The following GVQW3 variants were observed in gnomAD, a reference collection of about 807,000 sequenced individuals.
GVQW3 encodes the protein protein GVQW3.
In GVQW3, 7 loss-of-function variants were observed where a neutral mutation model predicts 12.5. That is an observed-to-expected ratio of 0.56 (90% confidence interval 0.32 to 1.05). The LOEUF (loss-of-function observed/expected upper bound fraction) is 1.05. Among genes scored for constraint, GVQW3 ranks in the 50% least tolerant of loss-of-function variants. The probability of loss-of-function intolerance (pLI) is 0.04; values close to 1 mark genes in which losing one functional copy is unlikely to be tolerated. For missense variants in GVQW3, 188 were observed against 190.8 expected (o/e 0.99, Z 0.09); for synonymous variants, 71 against 67.2 (o/e 1.06, Z -0.28).
intron 1 of GVQW3, among the ~76,000 whole-genome samples, chr11:76,388,777 A>G (rs1322347251): frequency 1.3e-5 from 2 of 152,150 alleles, no homozygotes; most frequent in Non-Finnish European, 2.9e-5. Flanking sequence ...CTGTTGCCAC[A>G]TGCCTTTGTG....
At chr11:76,402,488 G>A (rs1347710420) in intron 1 of GVQW3, among the ~76,000 whole-genome samples, 2 of 151,570 alleles carry the variant, frequency 1.3e-5, no homozygotes, top group Non-Finnish European at 2.9e-5. Flanking sequence ...AGGAGGCAGA[G>A]GTTGCAGTGA....
chr11:76,385,634 A>G (rs902215150), intron 1 of GVQW3, among the ~76,000 whole-genome samples: 1 of 152,060 alleles, frequency 6.6e-6, no homozygotes, highest in African/African-American at 2.4e-5. Flanking sequence ...CACTTAACTT[A>G]CAACTCTTCT....
At chr11:76,399,525 T>A (rs61892858) in intron 1 of GVQW3, among the ~76,000 whole-genome samples, 4,061 of 152,326 alleles carry the variant, frequency 0.027, 84 homozygotes, top group East Asian at 0.079. Flanking sequence ...TGTCAATTTG[T>A]CTGGACCACG....
At chr11:76,388,825 A>T (rs2851148) in intron 1 of GVQW3, among the ~76,000 whole-genome samples, 144,784 of 152,188 alleles carry the variant, frequency 0.95, 68,950 homozygotes, top group African/African-American at 0.98. Context: ...ATTAATAATT[A>T]GAGGACTGCG....
chr11:76,384,380 T>C (rs1309966926), intron 1 of GVQW3, among the ~76,000 whole-genome samples: 1 of 152,252 alleles, frequency 6.6e-6, no homozygotes, highest in Non-Finnish European at 1.5e-5. Context: ...TGGAGTGCAG[T>C]GGCACGATCT....
chr11:76,410,946 A>G (rs757825289), downstream of GVQW3: 7 of 152,240 alleles, frequency 4.6e-5, no homozygotes, highest in Non-Finnish European at 1.0e-4. Context: ...GAATGAAAGC[A>G]TAACATCCTG....
At position 76,404,033 on chromosome 11, in the gene GVQW3, C is replaced by G; in HGVS notation, c.*275C>G. Reference sequence around the variant, plus strand: ...TCCGGAAACATCCCCACAGACACACCCAGAAATAATGTTTTCCCATCTATC... The same window carrying G: ...TCCGGAAACATCCCCACAGACACACGCAGAAATAATGTTTTCCCATCTATC... On this transcript the variant is annotated 3_prime_UTR_variant, in exon 2 of 2. Coordinates refer to ENST00000529331, the MANE Select transcript of GVQW3 (RefSeq NM_001347885.2). 1 of 587,918 alleles carries G rather than the reference C, an allele frequency of 1.7e-6. No individual in the cohort carries two copies. The highest frequency in any genetic ancestry group is 1.9e-5 in the African/African-American group (1 of 53,930). 36.4% of individuals were successfully genotyped at this position (587,918 alleles called of 1,614,324 possible). A position where few individuals can be genotyped will look rare whatever the true frequency, so the allele number is the denominator to read the frequency against.
At chr11:76,382,689 C>T (rs1314886079) in intron 1 of GVQW3, 2 of 476,878 alleles carry the variant, frequency 4.2e-6, no homozygotes, top group Non-Finnish European at 7.4e-6. Context: ...TTCTTTTGCT[C>T]AACAAGTTTG....
chr11:76,401,076 T>C (rs1024051690), intron 1 of GVQW3, among the ~76,000 whole-genome samples: 1 of 151,658 alleles, frequency 6.6e-6, no homozygotes, highest in Non-Finnish European at 1.5e-5. Context: ...TTTCACTATG[T>C]TGCCCAAGCT....
In GVQW3 at chr11:76,391,138, G is replaced by A. The variant is rs146083728; in HGVS notation, c.465+8845G>A. ...TGCTTTCTATCTCTTGCCAGTTAAG[G>A]CCTAAACCTGTTTCTGCTTAAGAAG... On this transcript the variant is annotated intron_variant, in intron 1 of 1. Transcript: ENST00000529331. Among the ~76,000 whole-genome samples the A allele has an allele frequency of 3.0e-3, 451 of 152,316 alleles. 8 individuals are homozygous for A. The highest frequency in any genetic ancestry group is 1.1e-3 in the Non-Finnish European group (77 of 68,034).
intron 1 of GVQW3, 46 bp from the exon 2 acceptor site, chr11:76,403,614 C>T (rs746007270): frequency 5.4e-5 from 24 of 446,476 alleles, no homozygotes; most frequent in Non-Finnish European, 8.7e-5. Flanking sequence ...GAACTACAAG[C>T]ATGTGCCACC....
At position 76,407,820 on chromosome 11, in the gene GVQW3, A is replaced by G. The variant is rs2134569690; in HGVS notation, c.*4062A>G. 6.6e-6 allele frequency: 1 copy of G among 152,254 alleles called. No individual in the cohort carries two copies. The highest frequency in any genetic ancestry group is 1.9e-4 in the East Asian group (1 of 5,184). The allele number at this position is 152,254 out of a possible 1,614,324, so 9.4% of individuals were successfully genotyped here. On this transcript the variant is annotated 3_prime_UTR_variant, in exon 2 of 2. Transcript: ENST00000529331. ...ACTCATTAAGTGAAATAATGCAGCT[A>G]TTTAAGATGATGTTTTTAAAGAACT...
intron 1 of GVQW3, among the ~76,000 whole-genome samples, chr11:76,403,025 G>A (rs1947006536): frequency 6.6e-6 from 1 of 152,058 alleles, no homozygotes; most frequent in South Asian, 2.1e-4. Context: ...TCGGCTCATT[G>A]CAACCTCTAC....
rs1448001168 is a variant in GVQW3 at position 76,382,204 on chromosome 11, T to A, written c.376T>A (p.Leu126Met). Residue 126 changes from leucine (L) to methionine (M), a missense_variant, in exon 1 of 2, where the codon TTG becomes ATG. Leu to Met is a conservative substitution (Grantham distance 15). Transcript: ENST00000529331. ...KISAKVISGVLKGEPKPRKLD... is the reference protein window; with the variant it reads ...KISAKVISGVMKGEPKPRKLD... Reference sequence around the variant, plus strand: ...TTCTGCAAAAGTTATTTCGGGTGTTTTGAAGGGTGAGCCTAAACCACGAAA... The same window carrying A: ...TTCTGCAAAAGTTATTTCGGGTGTTATGAAGGGTGAGCCTAAACCACGAAA... 2.6e-6 allele frequency: 4 copies of A among 1,536,184 alleles called. No individual in the cohort carries two copies. Among genetic ancestry groups the A allele is most frequent in the African/African-American group, 1.4e-5 (1 of 73,180 alleles).
chr11:76,385,394 C>T (rs915959143), intron 1 of GVQW3, among the ~76,000 whole-genome samples: 2 of 152,024 alleles, frequency 1.3e-5, no homozygotes, highest in Non-Finnish European at 2.9e-5. Context: ...CTGCCTAGGC[C>T]TCTTGAGCTC....
chr11:76,407,956 C>G lies in GVQW3; in HGVS notation c.*4198C>G, dbSNP rs546923321. 37 of 151,672 alleles carry G rather than the reference C, an allele frequency of 2.4e-4. No individual in the cohort carries two copies. The highest frequency in any genetic ancestry group is 8.5e-4 in the Admixed American group (13 of 15,238). 9.4% of individuals were successfully genotyped at this position (151,672 alleles called of 1,614,324 possible). Reference sequence around the variant, plus strand: ...TTTCTGTATGCTAAAACAAACCCCTCAAGATAGATCCAAAACATTACCAGT... The same window carrying G: ...TTTCTGTATGCTAAAACAAACCCCTGAAGATAGATCCAAAACATTACCAGT... On this transcript the variant is annotated 3_prime_UTR_variant, in exon 2 of 2. Coordinates refer to ENST00000529331, the MANE Select transcript of GVQW3 (RefSeq NM_001347885.2).
chr11:76,402,369 A>G (rs189968934), intron 1 of GVQW3, among the ~76,000 whole-genome samples: 1 of 152,224 alleles, frequency 6.6e-6, no homozygotes, highest in East Asian at 1.9e-4. Flanking sequence ...CCTGGACAAC[A>G]TGGTGAAGCC....
At chr11:76,389,081 TTGGTTAAG>T (rs1323874144) in intron 1 of GVQW3, among the ~76,000 whole-genome samples, 6 of 152,128 alleles carry the variant, frequency 3.9e-5, no homozygotes, top group Non-Finnish European at 7.4e-5. Flanking sequence ...CAGTAGAAAA[TTGGTTAAG>T]TAAATTACAG....
At chr11:76,396,168 T>G (rs1946937677) in intron 1 of GVQW3, among the ~76,000 whole-genome samples, 2 of 152,212 alleles carry the variant, frequency 1.3e-5, no homozygotes, top group Non-Finnish European at 2.9e-5. Flanking sequence ...CTTTTATCAT[T>G]ATCATTATCA....
Sources: gnomAD v4.1 joint callset for allele counts (sites outside exome capture counted in the v4.1 genomes callset) on GRCh38, gnomAD v4.1.1 for gene constraint, MANE v1.5 for transcripts, NCBI Gene and HGNC (gene_info 2026-07-23, HGNC 2026-07-21) for gene names.